Variants in CLSTN2 observed in about 807,000 individuals in gnomAD.
CLSTN2 encodes the protein calsyntenin-2.
In CLSTN2, 48 loss-of-function variants were observed where a neutral mutation model predicts 101.2. The observed-to-expected ratio is 0.47, with a 90% CI of 0.38 to 0.60. The LOEUF is 0.60. Among genes scored for constraint, CLSTN2 ranks in the 20% least tolerant of loss-of-function variants. CLSTN2 has a pLI of 0.00. For missense variants in CLSTN2, 1,160 were observed against 1,238.2 expected, an observed-to-expected ratio of 0.94 and a Z score of 0.95; for synonymous variants, 481 against 463.6, an observed-to-expected ratio of 1.04 and a Z score of -0.48.
At chr3:140,134,694 G>C (rs2009573176) in intron 1 of CLSTN2, among the ~76,000 whole-genome samples, 1 of 152,074 alleles carries the variant, frequency 6.6e-6, no homozygotes, top group African/African-American at 2.4e-5. Context: ...ACACAGCATA[G>C]AGGCCACCAG....
intron 1 of CLSTN2, among the ~76,000 whole-genome samples, chr3:140,021,003 C>G (rs552872853): frequency 6.6e-6 from 1 of 152,204 alleles, no homozygotes; most frequent in Non-Finnish European, 1.5e-5. Flanking sequence ...CTTCTCCACC[C>G]AGCACTCATT....
intron 2 of CLSTN2, among the ~76,000 whole-genome samples, chr3:140,311,657 CAAT>C (rs2107917253): frequency 6.6e-6 from 1 of 152,014 alleles, no homozygotes; most frequent in East Asian, 1.9e-4. Context: ...GTTTTATATG[CAAT>C]AACTCATGTA....
intron 2 of CLSTN2, among the ~76,000 whole-genome samples, chr3:140,295,601 T>G (rs2086995178): frequency 6.6e-6 from 1 of 152,208 alleles, no homozygotes; most frequent in Non-Finnish European, 1.5e-5. Context: ...GCCCCAAGTT[T>G]TTTTTATTTT....
At chr3:140,429,033 TG>T (rs2088601665) in intron 5 of CLSTN2, among the ~76,000 whole-genome samples, 1 of 152,140 alleles carries the variant, frequency 6.6e-6, no homozygotes, top group South Asian at 2.1e-4. Flanking sequence ...TACTAGATGC[TG>T]AGTGTGTCTA....
intron 1 of CLSTN2, among the ~76,000 whole-genome samples, chr3:140,164,555 T>C (rs1350243367): frequency 6.6e-6 from 1 of 152,200 alleles, no homozygotes; most frequent in African/African-American, 2.4e-5. Context: ...ATCCTGTTGG[T>C]ATGTAAAGGC....
intron 2 of CLSTN2, among the ~76,000 whole-genome samples, chr3:140,382,723 C>G (rs2088000216): frequency 6.6e-6 from 1 of 152,212 alleles, no homozygotes; most frequent in South Asian, 2.1e-4. Context: ...GGTTGCCAGC[C>G]TGGCATGGTC....
At chr3:140,249,709 C>A (rs1465488786) in intron 2 of CLSTN2, among the ~76,000 whole-genome samples, 3 of 152,146 alleles carry the variant, frequency 2.0e-5, no homozygotes, top group Non-Finnish European at 4.4e-5. Flanking sequence ...ATATGCAAGG[C>A]TATTTTCTTT....
intron 9 of CLSTN2, among the ~76,000 whole-genome samples, chr3:140,542,702 T>C (rs1490475137): frequency 1.3e-5 from 2 of 152,228 alleles, no homozygotes; most frequent in Non-Finnish European, 2.9e-5. Context: ...ACATCTGATA[T>C]TCTTGAGTCA....
intron 1 of CLSTN2, among the ~76,000 whole-genome samples, chr3:140,168,706 T>C (rs2010169845): frequency 1.3e-5 from 2 of 152,100 alleles, no homozygotes; most frequent in African/African-American, 4.8e-5. Context: ...GTTTATTTTT[T>C]TGGCATATAG....
At chr3:140,218,536 T>G (rs1025659945) in intron 2 of CLSTN2, among the ~76,000 whole-genome samples, 1 of 152,140 alleles carries the variant, frequency 6.6e-6, no homozygotes, top group Non-Finnish European at 1.5e-5. Flanking sequence ...TGTGACCCCC[T>G]GTTGTTAGAT....
intron 2 of CLSTN2, among the ~76,000 whole-genome samples, chr3:140,274,595 T>G (rs1171960219): frequency 6.6e-6 from 1 of 152,128 alleles, no homozygotes; most frequent in Admixed American, 6.5e-5. Context: ...TCAGGCATGT[T>G]GTCCACCAGG....
chr3:140,138,429 G>T (rs570974607), intron 1 of CLSTN2, among the ~76,000 whole-genome samples: 1 of 152,168 alleles, frequency 6.6e-6, no homozygotes, highest in African/African-American at 2.4e-5. Context: ...TTAGGGAAAA[G>T]CATCCTTCCT....
chr3:140,500,001 A>G (rs1264503136), intron 8 of CLSTN2, among the ~76,000 whole-genome samples: 1 of 151,824 alleles, frequency 6.6e-6, no homozygotes, highest in African/African-American at 2.4e-5. Context: ...TGGGAGGTGG[A>G]GATTGCAGTG....
chr3:140,185,333 T>A (rs1473405966), intron 2 of CLSTN2, among the ~76,000 whole-genome samples: 1 of 151,964 alleles, frequency 6.6e-6, no homozygotes, highest in Non-Finnish European at 1.5e-5. Context: ...AAACAAAAAA[T>A]AAAGAACAAG....
chr3:140,048,880 C>T (rs1427744521), intron 1 of CLSTN2, among the ~76,000 whole-genome samples: 1 of 152,234 alleles, frequency 6.6e-6, no homozygotes, highest in Non-Finnish European at 1.5e-5. Flanking sequence ...ATGCCTCCAG[C>T]TCTCCCAGAC....
In CLSTN2 at chr3:140,177,316, G is replaced by A. The variant is rs535226400; in HGVS notation, c.232+1243G>A. ...ACTCCTTGCAGTCTTTACCACAAAA[G>A]ATGAAGTATCTTCCCTAAACCTTCT... On this transcript the variant is annotated intron_variant, in intron 2 of 16. Coordinates refer to ENST00000458420, the MANE Select transcript of CLSTN2 (RefSeq NM_022131.3). Among the ~76,000 whole-genome samples, 227 of 152,308 alleles carry A rather than the reference G, an allele frequency of 1.5e-3. 1 individual carries two copies. Among genetic ancestry groups the A allele is most frequent in the Non-Finnish European group, 2.4e-3 (165 of 68,032 alleles).
intron 10 of CLSTN2, among the ~76,000 whole-genome samples, chr3:140,550,555 TA>T (rs1272772555): frequency 1.3e-5 from 2 of 152,104 alleles, no homozygotes; most frequent in Non-Finnish European, 2.9e-5. Flanking sequence ...TTTCTGATTC[TA>T]AATTTACTCT....
intron 1 of CLSTN2, among the ~76,000 whole-genome samples, chr3:140,079,360 T>C (rs2008546563): frequency 1.3e-5 from 2 of 152,176 alleles, no homozygotes; most frequent in Non-Finnish European, 2.9e-5. Flanking sequence ...AGCATAAATT[T>C]CCAAGAGATA....
chr3:140,037,894 G>T (rs904982615), intron 1 of CLSTN2, among the ~76,000 whole-genome samples: 1 of 152,154 alleles, frequency 6.6e-6, no homozygotes, highest in Non-Finnish European at 1.5e-5. Context: ...TTATATGGCT[G>T]CATAGTATTC....
Sources: allele counts gnomAD v4.1 joint callset (sites outside exome capture counted in the v4.1 genomes callset), GRCh38; gene constraint gnomAD v4.1.1; transcripts MANE v1.5; gene names NCBI Gene and HGNC (gene_info 2026-07-23, HGNC 2026-07-21).